Variants in ZNF232 observed in about 807,000 individuals in gnomAD.
ZNF232 encodes the protein zinc finger and SCAN domain-containing protein 11.
Under a neutral mutation model 25.2 loss-of-function variants are expected in ZNF232, and 25 were observed. That is an observed-to-expected ratio of 0.99 (90% CI 0.72 to 1.39). ZNF232 has a LOEUF of 1.39. Ranked by LOEUF, ZNF232 falls within the 40% of genes most tolerant of loss-of-function variation. The probability of loss-of-function intolerance (pLI) is 0.00; values close to 1 mark genes in which losing one functional copy is unlikely to be tolerated. For synonymous variants in ZNF232, 193 were observed against 182.9 expected, an observed-to-expected ratio of 1.06 and a Z score of -0.45; for missense variants, 519 against 520.9, an observed-to-expected ratio of 1.00 and a Z score of 0.04.
chr17:5,123,073 C>T (rs1438215556), exon 1 of ZNF232: 1 of 153,160 alleles, frequency 6.5e-6, no homozygotes, highest in Non-Finnish European at 1.5e-5. Context: ...TCCTTAGGCT[C>T]CGAAGAGATG....
exon 3 of ZNF232, chr17:5,108,953 T>C (rs944997923): frequency 2.5e-6 from 4 of 1,614,102 alleles, no homozygotes; most frequent in South Asian, 1.1e-5. Context: ...TGGGTCTCCT[T>C]AGGCTGGAGC....
intron 1 of ZNF232, chr17:5,120,686 G>T: frequency 2.4e-6 from 1 of 414,090 alleles, no homozygotes; most frequent in Non-Finnish European, 4.8e-6. Flanking sequence ...TGGACACTGT[G>T]CCTGGAGTGA....
intron 1 of ZNF232, among the ~76,000 whole-genome samples, chr17:5,117,059 C>G (rs2072554243): frequency 6.6e-6 from 1 of 152,172 alleles, no homozygotes; most frequent in African/African-American, 2.4e-5. Flanking sequence ...CTAGGTGAGA[C>G]TCCCCACTGT....
exon 4 of ZNF232, chr17:5,105,946 G>A (rs1439246231): frequency 1.9e-6 from 3 of 1,614,188 alleles, no homozygotes; most frequent in East Asian, 2.2e-5. Flanking sequence ...ATTCTCCGAT[G>A]CTGACTTAGA....
At chr17:5,117,291 G>C (rs1237871874) in intron 1 of ZNF232, among the ~76,000 whole-genome samples, 1 of 152,190 alleles carries the variant, frequency 6.6e-6, no homozygotes, top group African/African-American at 2.4e-5. Context: ...GCCGAGGCGG[G>C]TGGATCATGA....
chr17:5,122,185 G>A (rs377707426), intron 1 of ZNF232, among the ~76,000 whole-genome samples: 4 of 152,062 alleles, frequency 2.6e-5, no homozygotes, highest in East Asian at 3.9e-4. Context: ...GCAGAAGAGA[G>A]GTTATAGCTC....
At chr17:5,121,512 A>C (rs1286179314) in intron 1 of ZNF232, 1 of 210,010 alleles carries the variant, frequency 4.8e-6, no homozygotes, top group Non-Finnish European at 9.6e-6. Flanking sequence ...TCCCCTCCCC[A>C]CCCTGTACCT....
intron 1 of ZNF232, chr17:5,120,930 G>T (rs1281254881): frequency 4.4e-6 from 2 of 454,390 alleles, no homozygotes; most frequent in Non-Finnish European, 8.8e-6. Context: ...TCATGATTTC[G>T]ATGTAAAATG....
chr17:5,111,607 C>G, intron 1 of ZNF232, 193 bp downstream of exon 1: 4 of 746,320 alleles, frequency 5.4e-6, no homozygotes, highest in Non-Finnish European at 8.6e-6. Flanking sequence ...ACATCAAGAC[C>G]CCCCTCCACG....
rs2072413721 is a variant in ZNF232, at chr17:5,111,649, G to A, written c.23+151C>T. ...GACGCGACGCAACGCAGGTAGCGCA[G>A]CGCGGGCACCACGGGCAACCCAAAC... is the stretch of plus-strand genomic sequence containing the variant. On this transcript the variant is annotated intron_variant, in intron 1 of 3. Coordinates refer to ENST00000575898, the Ensembl canonical transcript of ZNF232. The A allele has an allele frequency of 6.0e-6, 7 of 1,161,648 alleles. No homozygotes were observed. In the Admixed American group the frequency reaches 1.6e-4, roughly 27 times the overall value. 72.0% of individuals were successfully genotyped at this position (1,161,648 alleles called of 1,614,324 possible).
chr17:5,118,157 C>T (rs2072576607), intron 1 of ZNF232: 1 of 152,130 alleles, frequency 6.6e-6, no homozygotes, highest in Non-Finnish European at 1.5e-5. Flanking sequence ...TGTGCTCTCT[C>T]CCTCAGGGAT....
intron 3 of ZNF232, among the ~76,000 whole-genome samples, chr17:5,108,307 C>G (rs1193608470): frequency 1.3e-5 from 2 of 152,108 alleles, no homozygotes; most frequent in African/African-American, 4.8e-5. Flanking sequence ...GTGTTCGCCG[C>G]TGGGAGAGAG....
chr17:5,111,491 C>T, intron 1 of ZNF232: 1 of 481,344 alleles, frequency 2.1e-6, no homozygotes, highest in Non-Finnish European at 3.7e-6. Context: ...CTACCCCGGC[C>T]TCGGGCAGGT....
At chr17:5,113,225 A>G (rs572461451), upstream of ZNF232, 2 of 152,342 alleles carry the variant, frequency 1.3e-5, no homozygotes, top group South Asian at 4.1e-4. Context: ...AGTGCCATTG[A>G]TAATTACTGC....
chr17:5,110,952 A>C (rs1165723976), intron 1 of ZNF232: 1 of 152,252 alleles, frequency 6.6e-6, no homozygotes. Context: ...AAGTGGCCAC[A>C]TTCTTGTGAG....
At chr17:5,111,406 G>C (rs1397257789) in intron 1 of ZNF232, 6 of 308,992 alleles carry the variant, frequency 1.9e-5, no homozygotes, top group African/African-American at 1.3e-4. Flanking sequence ...CTAAGACAAA[G>C]GAGGCGCGAG....
upstream of ZNF232, among the ~76,000 whole-genome samples, chr17:5,116,034 A>G (rs62076286): frequency 0.06 from 9,188 of 152,280 alleles, 280 homozygotes; most frequent in Admixed American, 0.095. Context: ...GGCAGAGGGG[A>G]CAGCTAGCGG....
chr17:5,105,761 A>C (rs2064502424), exon 4 of ZNF232: 3 of 1,427,868 alleles, frequency 2.1e-6, no homozygotes, highest in Non-Finnish European at 2.8e-6. Context: ...CTTTTATGGG[A>C]TCCAGTCCTA....
intron 3 of ZNF232, among the ~76,000 whole-genome samples, chr17:5,107,561 CAG>C (rs72084001): frequency 0.13 from 16,319 of 124,908 alleles, 1,280 homozygotes; most frequent in African/African-American, 0.26. Context: ...TTTTTTTTGA[CAG>C]AGTCTTGCTC....
Sources: gnomAD v4.1 joint callset for allele counts (sites outside exome capture counted in the v4.1 genomes callset) on GRCh38, gnomAD v4.1.1 for gene constraint, MANE v1.5 for transcripts, NCBI Gene and HGNC (gene_info 2026-07-23, HGNC 2026-07-21) for gene names.